The following ALG13 variants were observed in gnomAD, a reference collection of about 807,000 sequenced individuals.
ALG13 encodes UDP-N-acetylglucosamine transferase subunit ALG13.
ALG13 carries 11 observed loss-of-function variants against 87.8 expected under a neutral mutation model. The observed-to-expected ratio is 0.13, with a 90% CI of 0.08 to 0.21. The LOEUF (loss-of-function observed/expected upper bound fraction) is 0.21. Among genes scored for constraint, ALG13 ranks in the 10% least tolerant of loss-of-function variants. The probability of loss-of-function intolerance (pLI) is 1.00; values close to 1 mark genes in which losing one functional copy is unlikely to be tolerated. For synonymous variants in ALG13, 320 were observed against 306.3 expected, an observed-to-expected ratio of 1.04 and a Z score of -0.47; for missense variants, 756 against 866.1, an observed-to-expected ratio of 0.87 and a Z score of 1.60.
intron 19 of ALG13, among the ~76,000 whole-genome samples, chrX:111,728,724 A>G (rs1198624227): frequency 9.0e-6 from 1 of 110,758 alleles, no homozygotes; most frequent in Non-Finnish European, 1.9e-5. Flanking sequence ...ACTTCATACT[A>G]TGAAGTCTAT....
chrX:111,736,166 G>T (rs1943220051), intron 22 of ALG13, among the ~76,000 whole-genome samples: 1 of 110,961 alleles, frequency 9.0e-6, no homozygotes, highest in East Asian at 2.8e-4. Context: ...AGCTGTGCGT[G>T]GTGGTGCGTG....
intron 19 of ALG13, among the ~76,000 whole-genome samples, chrX:111,729,031 A>G (rs1039645499): frequency 4.5e-5 from 5 of 111,912 alleles, no homozygotes; most frequent in Non-Finnish European, 7.5e-5. Flanking sequence ...CCATCAACAC[A>G]ATTAATACTA....
At chrX:111,682,449 A>G in intron 2 of ALG13, 155 bp downstream of exon 2, 1 of 364,181 alleles carries the variant, frequency 2.7e-6, no homozygotes, top group South Asian at 1.1e-4. Context: ...AGCATCCATT[A>G]GCTTTTTATC....
At position 111,723,860 on chromosome X, in the gene ALG13, C is replaced by T; in HGVS notation, c.1563C>T (p.Asn521=). The change falls in exon 14 of 27, where the codon AAC becomes AAT. Residue 521 remains asparagine (N), a synonymous_variant. Coordinates refer to ENST00000394780, the MANE Select transcript of ALG13 (RefSeq NM_001099922.3). ...NAHIQEVGNE[N]NSVTVFIEEL... Reference sequence around the variant, plus strand: ...ATATCCAGGAAGTTGGAAATGAGAACAATTCAGTAACAGTCTTCATTGAAG... The same window carrying T: ...ATATCCAGGAAGTTGGAAATGAGAATAATTCAGTAACAGTCTTCATTGAAG... The T allele has an allele frequency of 8.5e-7, 1 of 1,179,252 alleles. No individual in the cohort carries two copies.
intron 26 of ALG13, among the ~76,000 whole-genome samples, chrX:111,759,091 A>G (rs1356773530): frequency 9.2e-6 from 1 of 108,569 alleles, no homozygotes; most frequent in Non-Finnish European, 1.9e-5. Flanking sequence ...GTAGTTAACT[A>G]TGAGGCAGTG....
intron 3 of ALG13, among the ~76,000 whole-genome samples, chrX:111,691,291 G>T (rs1165150298): frequency 9.1e-6 from 1 of 110,257 alleles, no homozygotes; most frequent in Non-Finnish European, 1.9e-5. Flanking sequence ...AGTAGAGACT[G>T]GGTTTCACCA....
At chrX:111,724,225 A>G (rs774468649) in intron 14 of ALG13, among the ~76,000 whole-genome samples, 1 of 112,246 alleles carries the variant, frequency 8.9e-6, no homozygotes, top group African/African-American at 3.2e-5. Context: ...AGATAAGCTA[A>G]TCTAGTCTTT....
intron 10 of ALG13, 35 bp from the exon 11 acceptor site, chrX:111,720,060 A>G: frequency 9.6e-7 from 1 of 1,042,447 alleles, no homozygotes; most frequent in East Asian, 3.2e-5. Flanking sequence ...TTCTTCATTT[A>G]TAAAAAGCTC....
At chrX:111,698,316 A>G (rs754626848) in intron 3 of ALG13, among the ~76,000 whole-genome samples, 49 of 112,004 alleles carry the variant, frequency 4.4e-4, no homozygotes, top group Non-Finnish European at 8.5e-4. Flanking sequence ...TACAATGTGG[A>G]ATGATTATGT....
chrX:111,721,751 A>G (rs779512540), intron 12 of ALG13, 40 bp downstream of exon 12: 1 of 955,441 alleles, frequency 1.0e-6, no homozygotes, highest in Admixed American at 2.7e-5. Flanking sequence ...ATCCTGACAA[A>G]TCCAGGAGTA....
At chrX:111,748,220 T>A (rs952371651) in intron 24 of ALG13, among the ~76,000 whole-genome samples, 13 of 112,351 alleles carry the variant, frequency 1.2e-4, no homozygotes, top group Non-Finnish European at 2.1e-4. Context: ...TTTGCAAGTA[T>A]TTTTTCCAAG....
intron 8 of ALG13, among the ~76,000 whole-genome samples, chrX:111,715,674 C>T (rs1453775006): frequency 6.2e-5 from 7 of 112,354 alleles, no homozygotes; most frequent in South Asian, 3.7e-4. Context: ...GCCAAGATTG[C>T]GCCGCTGCAC....
At chrX:111,714,568 A>G (rs1181841949) in intron 8 of ALG13, among the ~76,000 whole-genome samples, 1 of 111,004 alleles carries the variant, frequency 9.0e-6, no homozygotes, top group Non-Finnish European at 1.9e-5. Flanking sequence ...AGAGCAGGCC[A>G]TGCCAAATAA....
At chrX:111,732,292 G>A (rs1452487656) in intron 21 of ALG13, among the ~76,000 whole-genome samples, 4 of 111,997 alleles carry the variant, frequency 3.6e-5, no homozygotes, top group African/African-American at 9.7e-5. Flanking sequence ...TGTTATAGCC[G>A]TACCCTACTT....
chrX:111,692,474 T>G (rs1936299238), intron 3 of ALG13, among the ~76,000 whole-genome samples: 1 of 111,635 alleles, frequency 9.0e-6, no homozygotes, highest in African/African-American at 3.3e-5. Context: ...TTAGGTATTG[T>G]TCTAGGAAAC....
chrX:111,682,723 A>T (rs759167175), intron 2 of ALG13, among the ~76,000 whole-genome samples: 3 of 112,212 alleles, frequency 2.7e-5, no homozygotes, highest in Non-Finnish European at 3.8e-5. Context: ...TGTCAACTTG[A>T]CATTAGTACT....
At chrX:111,711,364 C>A (rs1194381287) in intron 5 of ALG13, among the ~76,000 whole-genome samples, 3 of 112,209 alleles carry the variant, frequency 2.7e-5, no homozygotes, top group Non-Finnish European at 3.8e-5. Flanking sequence ...AAATACTGGT[C>A]TTGCTTGATT....
intron 3 of ALG13, among the ~76,000 whole-genome samples, chrX:111,691,363 A>C (rs1242675025): frequency 2.7e-5 from 3 of 111,563 alleles, no homozygotes; most frequent in Non-Finnish European, 5.6e-5. Context: ...GGCCTCCAAA[A>C]GTGCTGGGAT....
At chrX:111,701,837 C>T (rs867427732) in intron 3 of ALG13, among the ~76,000 whole-genome samples, 32 of 111,377 alleles carry the variant, frequency 2.9e-4, no homozygotes, top group African/African-American at 8.5e-4. Flanking sequence ...GTTTTTGTTA[C>T]ATCCTGTAAG....
Sources: gnomAD v4.1 joint callset for allele counts (sites outside exome capture counted in the v4.1 genomes callset) on GRCh38, gnomAD v4.1.1 for gene constraint, MANE v1.5 for transcripts, NCBI Gene and HGNC (gene_info 2026-07-23, HGNC 2026-07-21) for gene names.